Variants in GULP1 observed in about 807,000 individuals in gnomAD.
GULP1 encodes the protein GULP PTB domain containing engulfment adaptor 1.
In GULP1, 19 loss-of-function variants were observed where a neutral mutation model predicts 40.9. The observed-to-expected ratio is 0.46, with a 90% CI of 0.32 to 0.68. The LOEUF (loss-of-function observed/expected upper bound fraction) is 0.68, where lower values mean the gene tolerates loss of function less well. GULP1 is among the 30% of genes least tolerant of loss of function. The probability of loss-of-function intolerance (pLI) is 0.03; values close to 1 mark genes in which losing one functional copy is unlikely to be tolerated. For missense variants in GULP1, 312 were observed against 362.2 expected, an observed-to-expected ratio of 0.86 and a Z score of 1.12; for synonymous variants, 119 against 117.6, an observed-to-expected ratio of 1.01 and a Z score of -0.08.
chr2:188,398,149 C>A (rs775508644), intron 2 of GULP1, among the ~76,000 whole-genome samples: 61 of 152,280 alleles, frequency 4.0e-4, no homozygotes, highest in Middle Eastern at 3.4e-3. Flanking sequence ...GTGATACAGA[C>A]ACAAGCCAAG....
chr2:188,501,369 G>GT (rs1164854720), intron 4 of GULP1, among the ~76,000 whole-genome samples: 2 of 151,924 alleles, frequency 1.3e-5, no homozygotes, highest in African/African-American at 4.8e-5. Flanking sequence ...TGCCATGATT[G>GT]TAAGTATCCT....
At chr2:188,295,690 T>C (rs1193088465) in intron 1 of GULP1, among the ~76,000 whole-genome samples, 1 of 152,122 alleles carries the variant, frequency 6.6e-6, no homozygotes, top group African/African-American at 2.4e-5. Context: ...AGTCTTTTGC[T>C]AAAATACCTA....
intron 2 of GULP1, among the ~76,000 whole-genome samples, chr2:188,430,723 A>G (rs1187870624): frequency 6.6e-6 from 1 of 152,184 alleles, no homozygotes; most frequent in African/African-American, 2.4e-5. Context: ...TGGATCCTAG[A>G]AACCAAAACT....
chr2:188,478,291 ATGT>A (rs1244377739), intron 3 of GULP1, among the ~76,000 whole-genome samples: 3 of 152,132 alleles, frequency 2.0e-5, no homozygotes, highest in Admixed American at 6.6e-5. Context: ...AGCTAGTTAG[ATGT>A]TGTTTTTTAA....
At chr2:188,498,613 T>G (rs2063126620) in intron 4 of GULP1, among the ~76,000 whole-genome samples, 1 of 151,854 alleles carries the variant, frequency 6.6e-6, no homozygotes, top group Admixed American at 6.6e-5. Flanking sequence ...TTCACTATCC[T>G]CAAAGGAAAA....
intron 7 of GULP1, among the ~76,000 whole-genome samples, chr2:188,562,303 T>C (rs2153414292): frequency 6.6e-6 from 1 of 152,284 alleles, no homozygotes; most frequent in Non-Finnish European, 1.5e-5. Flanking sequence ...GATTCCATGA[T>C]GCAGATGAGG....
intron 1 of GULP1, among the ~76,000 whole-genome samples, chr2:188,368,939 G>GTATATA (rs56274020): frequency 0.022 from 1,857 of 85,786 alleles, 46 homozygotes; most frequent in South Asian, 0.039. Context: ...ATATATGTGT[G>GTATATA]TATATATATA....
At chr2:188,507,648 T>C (rs1306856589) in intron 4 of GULP1, among the ~76,000 whole-genome samples, 1 of 151,946 alleles carries the variant, frequency 6.6e-6, no homozygotes, top group Non-Finnish European at 1.5e-5. Flanking sequence ...TATTTTGCAT[T>C]ATTATCAAGG....
At chr2:188,312,179 A>AT (rs573989963) in intron 1 of GULP1, among the ~76,000 whole-genome samples, 21 of 151,434 alleles carry the variant, frequency 1.4e-4, no homozygotes, top group East Asian at 5.8e-4. Context: ...ATCTAAGACT[A>AT]TTTTTTTTAA....
At chr2:188,459,200 AG>A (rs572871759) in intron 2 of GULP1, among the ~76,000 whole-genome samples, 321 of 152,232 alleles carry the variant, frequency 2.1e-3, no homozygotes, top group Non-Finnish European at 3.4e-3. Context: ...CTTTCTTTTC[AG>A]TATATACATA....
chr2:188,352,029 C>T (rs919770162), intron 1 of GULP1, among the ~76,000 whole-genome samples: 3 of 152,016 alleles, frequency 2.0e-5, no homozygotes, highest in African/African-American at 4.8e-5. Flanking sequence ...ACTAGTTGTT[C>T]TGGAACCCTG....
In GULP1 at chr2:188,291,911, C is replaced by G. The variant is rs548410189; in HGVS notation, c.-427C>G. On this transcript the variant is annotated 5_prime_UTR_variant, in exon 1 of 12. Coordinates refer to ENST00000409830, the MANE Select transcript of GULP1 (RefSeq NM_016315.4). ...GAGCGACCCGGAGTCCCCAGCCCCG[C>G]GTCCCAGCTGCCGCCAGCGCCAGTT... is the stretch of plus-strand genomic sequence containing the variant. 7 of 152,388 alleles carry G rather than the reference C, an allele frequency of 4.6e-5. No individual in the cohort carries two copies. The East Asian group carries it at 9.7e-4, about 21-fold the overall frequency. The allele number at this position is 152,388 out of a possible 1,614,324, so 9.4% of individuals were successfully genotyped here.
intron 4 of GULP1, among the ~76,000 whole-genome samples, chr2:188,503,070 C>T (rs2153164923): frequency 6.6e-6 from 1 of 152,042 alleles, no homozygotes; most frequent in African/African-American, 2.4e-5. Flanking sequence ...CGTTTTAATA[C>T]TGTTGCTCTG....
intron 8 of GULP1, 31 bp downstream of exon 8, chr2:188,569,386 T>TG: frequency 9.2e-7 from 1 of 1,087,554 alleles, no homozygotes; most frequent in Middle Eastern, 2.0e-4. Context: ...GTTTTACATT[T>TG]GTGTGATGTA....
At chr2:188,391,164 G>A (rs113426205) in intron 2 of GULP1, among the ~76,000 whole-genome samples, 75 of 151,646 alleles carry the variant, frequency 4.9e-4, no homozygotes, top group African/African-American at 1.7e-3. Flanking sequence ...CTATTTTGAT[G>A]GAATTGCATT....
At chr2:188,488,083 C>T (rs2062017466) in intron 4 of GULP1, among the ~76,000 whole-genome samples, 1 of 151,964 alleles carries the variant, frequency 6.6e-6, no homozygotes, top group Non-Finnish European at 1.5e-5. Context: ...TTGAAAACCA[C>T]GTTGGACACT....
chr2:188,414,216 C>CAAA lies in GULP1; in HGVS notation c.-45+30345_-45+30347dup, dbSNP rs774779119. Among the ~76,000 whole-genome samples, 3 of 44,640 alleles carry CAAA rather than the reference C, an allele frequency of 6.7e-5. No individual in the cohort carries two copies. In the Admixed American group the frequency reaches 7.2e-4, roughly 11 times the overall value. 29.3% of individuals were successfully genotyped at this position (44,640 alleles called of 152,430 possible). On this transcript the variant is annotated intron_variant, in intron 2 of 11. Transcript: ENST00000409830. ...TGAGTGACAGAGCGAGACTCCATCT[C>CAAA]AAAAAAAAAAAAAAAAAAAAGAAAA...
At chr2:188,415,719 A>G (rs2054492006) in intron 2 of GULP1, among the ~76,000 whole-genome samples, 1 of 152,184 alleles carries the variant, frequency 6.6e-6, no homozygotes, top group Non-Finnish European at 1.5e-5. Flanking sequence ...TTTCCATTAT[A>G]GGATTAAAAG....
In GULP1 at chr2:188,325,700, G is replaced by A. The variant is rs142991417; in HGVS notation, c.-172+33534G>A. ...TCCCTTTGAGGTAGTTTGACTAATA[G>A]GGCAGGGAATAAAGAGAGAATGGCA... On this transcript the variant is annotated intron_variant, in intron 1 of 11. Transcript: ENST00000409830. Among the ~76,000 whole-genome samples the A allele has an allele frequency of 7.6e-4, 116 of 152,130 alleles. 2 individuals carry two copies. In the East Asian group the frequency reaches 0.018, roughly 24 times the overall value.
Sources: gnomAD v4.1 joint callset for allele counts (sites outside exome capture counted in the v4.1 genomes callset) on GRCh38, gnomAD v4.1.1 for gene constraint, MANE v1.5 for transcripts, NCBI Gene and HGNC (gene_info 2026-07-23, HGNC 2026-07-21) for gene names.